Variants in ARHGEF9 observed in about 807,000 individuals in gnomAD.
The protein encoded by ARHGEF9 is rho guanine nucleotide exchange factor 9.
ARHGEF9 carries 2 observed loss-of-function variants against 41.3 expected under a neutral mutation model. The observed-to-expected ratio is 0.05, with a 90% CI of 0.02 to 0.15. The LOEUF (loss-of-function observed/expected upper bound fraction) is 0.15, where lower values mean the gene tolerates loss of function less well. Ranked by LOEUF, ARHGEF9 falls within the 10% of genes least tolerant of loss-of-function variation. ARHGEF9 has a pLI of 1.00. For synonymous variants in ARHGEF9, 160 were observed against 154.4 expected (o/e 1.04, Z -0.27); for missense variants, 225 against 424.7 (o/e 0.53, Z 4.13).
intron 1 of ARHGEF9, among the ~76,000 whole-genome samples, chrX:63,757,656 T>A (rs1369323677): frequency 2.7e-5 from 3 of 111,626 alleles, no homozygotes; most frequent in African/African-American, 9.8e-5. Context: ...CTGTCACTAC[T>A]TTTAATCAGT....
intron 1 of ARHGEF9, among the ~76,000 whole-genome samples, chrX:63,743,831 G>A (rs1347677361): frequency 1.8e-5 from 2 of 112,092 alleles, no homozygotes; most frequent in African/African-American, 3.2e-5. Flanking sequence ...GAGAGACAAA[G>A]TTAGTCTGCT....
At chrX:63,756,005 C>T (rs1395216376) in intron 1 of ARHGEF9, 1 of 243,940 alleles carries the variant, frequency 4.1e-6, no homozygotes, top group Admixed American at 9.3e-5. Flanking sequence ...TGCTCTGTGA[C>T]CTGGTATCTA....
In ARHGEF9 at chrX:63,637,379, T is replaced by C. The variant is rs782193096; in HGVS notation, c.*649A>G. The C allele has an allele frequency of 8.2e-5, 24 of 294,046 alleles. No individual in the cohort carries two copies. The East Asian group carries it at 1.1e-3, about 13-fold the overall frequency. 24.2% of individuals were successfully genotyped at this position (294,046 alleles called of 1,213,427 possible). On this transcript the variant is annotated 3_prime_UTR_variant, in exon 10 of 10. Transcript: ENST00000671741. Reference sequence around the variant, plus strand: ...AGGGCACAACAGAGCATGTCCAGACTGGCATGACTGAGGACAGAGGATGCT... The same window carrying C: ...AGGGCACAACAGAGCATGTCCAGACCGGCATGACTGAGGACAGAGGATGCT...
intron 2 of ARHGEF9, among the ~76,000 whole-genome samples, chrX:63,710,296 G>GAA (rs75149222): frequency 0.021 from 457 of 21,349 alleles, 3 homozygotes; most frequent in Middle Eastern, 0.042. Context: ...CCACATGGGA[G>GAA]AAAAAAAAAA....
chrX:63,720,067 A>T (rs2053550513), intron 2 of ARHGEF9, among the ~76,000 whole-genome samples: 1 of 111,740 alleles, frequency 8.9e-6, no homozygotes, highest in Non-Finnish European at 1.9e-5. Flanking sequence ...CATGCTCAGA[A>T]AAAAACCTCA....
intron 1 of ARHGEF9, among the ~76,000 whole-genome samples, chrX:63,741,748 T>A (rs1400306792): frequency 1.8e-5 from 2 of 112,751 alleles, no homozygotes; most frequent in Non-Finnish European, 3.8e-5. Context: ...CAAGTATCCC[T>A]CATGTGTGTT....
intron 1 of ARHGEF9, among the ~76,000 whole-genome samples, chrX:63,765,173 C>T (rs1456486945): frequency 9.0e-6 from 1 of 110,710 alleles, no homozygotes; most frequent in African/African-American, 3.3e-5. Context: ...TCCCACCTCC[C>T]AAAAGCAGAG....
chrX:63,726,756 C>A (rs1328165590), intron 1 of ARHGEF9: 1 of 111,616 alleles, frequency 9.0e-6, no homozygotes, highest in African/African-American at 3.3e-5. Flanking sequence ...TGTGCTCTTA[C>A]AATTATCAAA....
intron 1 of ARHGEF9, among the ~76,000 whole-genome samples, chrX:63,773,851 T>C (rs1201748796): frequency 9.1e-6 from 1 of 110,346 alleles, no homozygotes; most frequent in Non-Finnish European, 1.9e-5. Flanking sequence ...CTTAAGACTT[T>C]GGACTGAAAC....
intron 6 of ARHGEF9, among the ~76,000 whole-genome samples, chrX:63,669,548 T>A (rs1602319343): frequency 9.0e-6 from 1 of 111,477 alleles, no homozygotes; most frequent in South Asian, 3.8e-4. Flanking sequence ...CTTCATTTGC[T>A]CCCACTCTCT....
chrX:63,676,474 A>G (rs1730809465), intron 5 of ARHGEF9, among the ~76,000 whole-genome samples: 1 of 111,706 alleles, frequency 9.0e-6, no homozygotes, highest in Non-Finnish European at 1.9e-5. Flanking sequence ...CAATGGAAAC[A>G]CTCTACATTT....
chrX:63,682,176 A>C (rs868982245), intron 4 of ARHGEF9, among the ~76,000 whole-genome samples: 4 of 104,910 alleles, frequency 3.8e-5, no homozygotes, highest in African/African-American at 1.3e-4. Context: ...AATAAATAAA[A>C]GAACTAAAGG....
At position 63,682,133 on chromosome X, in the gene ARHGEF9, C is replaced by CAATAAATA. The variant is rs572010099; in HGVS notation, c.583-3569_583-3562dup. 2.4e-3 allele frequency among the ~76,000 whole-genome samples: 242 copies of CAATAAATA among 101,529 alleles called. 1 individual carries two copies. Among genetic ancestry groups the CAATAAATA allele is most frequent in the Non-Finnish European group, 3.5e-3 (176 of 49,735 alleles). The allele number at this position is 101,529 out of a possible 115,157, so 88.2% of individuals were successfully genotyped here. A position where few individuals can be genotyped will look rare whatever the true frequency, so the allele number is the denominator to read the frequency against. Reference sequence around the variant, plus strand: ...TAGTAGCAATCCCTCTTAAACTCTTCAATAAATAAATAAATAAATAAATAA... The same window carrying CAATAAATA: ...TAGTAGCAATCCCTCTTAAACTCTTCAATAAATAAATAAATAAATAAATAAATAAATAA... On this transcript the variant is annotated intron_variant, in intron 4 of 9. Coordinates refer to ENST00000671741, the MANE Select transcript of ARHGEF9 (RefSeq NM_001353921.2).
chrX:63,684,348 T>A (rs1556373081), intron 4 of ARHGEF9, among the ~76,000 whole-genome samples: 1 of 111,186 alleles, frequency 9.0e-6, no homozygotes. Flanking sequence ...GGATGGGTAT[T>A]ATCAAAAAGA....
At chrX:63,728,096 T>C (rs2054075883) in intron 1 of ARHGEF9, among the ~76,000 whole-genome samples, 1 of 112,002 alleles carries the variant, frequency 8.9e-6, no homozygotes, top group African/African-American at 3.3e-5. Context: ...CAGAAGGCGT[T>C]AACAGCTGTG....
intron 1 of ARHGEF9, among the ~76,000 whole-genome samples, chrX:63,772,276 C>T (rs1405740648): frequency 4.5e-5 from 5 of 111,563 alleles, no homozygotes; most frequent in African/African-American, 9.8e-5. Context: ...AAATGGATGT[C>T]GGTCTTCCTT....
chrX:63,659,199 CAG>C (rs1269081274), intron 7 of ARHGEF9, among the ~76,000 whole-genome samples: 1 of 112,070 alleles, frequency 8.9e-6, no homozygotes, highest in African/African-American at 3.2e-5. Flanking sequence ...GACAAAGCCC[CAG>C]AGTTTCCTCT....
chrX:63,754,763 A>C, intron 1 of ARHGEF9: 1 of 948,223 alleles, frequency 1.1e-6, no homozygotes. Flanking sequence ...GGGGATGGGG[A>C]CGGGGTGCTT....
intron 3 of ARHGEF9, among the ~76,000 whole-genome samples, chrX:63,697,804 A>C (rs2051859703): frequency 8.9e-6 from 1 of 112,027 alleles, no homozygotes; most frequent in Non-Finnish European, 1.9e-5. Flanking sequence ...TTTCCTCATG[A>C]ACTTTAATGT....
Sources: allele counts gnomAD v4.1 joint callset (sites outside exome capture counted in the v4.1 genomes callset), GRCh38; gene constraint gnomAD v4.1.1; transcripts MANE v1.5; gene names NCBI Gene and HGNC (gene_info 2026-07-23, HGNC 2026-07-21).